Variants in RDX observed in about 807,000 individuals in gnomAD.
The protein encoded by RDX is radixin.
Under a neutral mutation model 83.7 loss-of-function variants are expected in RDX, and 32 were observed. The observed-to-expected ratio is 0.38, with a 90% CI of 0.29 to 0.51. RDX has a LOEUF of 0.51. Ranked by LOEUF, RDX falls within the 20% of genes least tolerant of loss-of-function variation. RDX has a pLI of 0.87. For missense variants in RDX, 600 were observed against 689.9 expected (o/e 0.87, Z 1.46); for synonymous variants, 229 against 222.7 (o/e 1.03, Z -0.25).
At chr11:110,218,493 C>A (rs1022237373) in intron 14 of RDX, among the ~76,000 whole-genome samples, 3 of 152,216 alleles carry the variant, frequency 2.0e-5, no homozygotes, top group Admixed American at 1.3e-4. Context: ...CCCACCAATT[C>A]TTTCCTTACA....
intron 14 of RDX, among the ~76,000 whole-genome samples, chr11:110,218,713 T>C (rs1477020040): frequency 6.6e-6 from 1 of 152,200 alleles, no homozygotes; most frequent in East Asian, 1.9e-4. Flanking sequence ...CTCGATATAT[T>C]TGCATATGCA....
chr11:110,258,161 CTT>C lies in RDX; in HGVS notation c.494_495del (p.Lys165ArgfsTer12). Reference sequence around the variant, plus strand: ...TTCTGTATTCTTTCTTCCCACTGTTCTTTTGTTAGTTTGTGTTGTTCCAATAC... The same window carrying C: ...TTCTGTATTCTTTCTTCCCACTGTTCTTGTTAGTTTGTGTTGTTCCAATAC... ...QRVLEQHKLT[K>X]EQWEERIQNW... On this transcript the variant is annotated frameshift_variant, in exon 6 of 14. Transcript: ENST00000645495. LOFTEE classifies it high-confidence loss of function. 1 of 1,607,042 alleles carries C rather than the reference CTT, an allele frequency of 6.2e-7. No individual in the cohort carries two copies. Among genetic ancestry groups the C allele is most frequent in the Non-Finnish European group, 8.5e-7 (1 of 1,176,194 alleles).
intron 1 of RDX, chr11:110,288,195 T>C (rs1426845141): frequency 6.6e-6 from 1 of 152,206 alleles, no homozygotes; most frequent in African/African-American, 2.4e-5. Flanking sequence ...GTAATATACA[T>C]GTTACTGAAA....
At position 110,196,938 on chromosome 11, in the gene RDX, AC is replaced by A. The variant is rs560812072; in HGVS notation, c.*31+2642del. On this transcript the variant is annotated intron_variant, in intron 15 of 15. Transcript: ENST00000528498. ...TTTTGAGACAGGGTCGCGCTCTGCC[AC>A]CCAGGCTGGAGTGCAGGGGTGTGAT... Among the ~76,000 whole-genome samples, 413 of 152,228 alleles carry A rather than the reference AC, an allele frequency of 2.7e-3. 3 individuals are homozygous for A. The highest frequency in any genetic ancestry group is 9.6e-3 in the African/African-American group (398 of 41,546).
chr11:110,256,176 T>A (rs931674572), intron 7 of RDX, among the ~76,000 whole-genome samples: 1 of 152,214 alleles, frequency 6.6e-6, no homozygotes, highest in Non-Finnish European at 1.5e-5. Context: ...AGAAATGATT[T>A]TGACACCTAT....
downstream of RDX, among the ~76,000 whole-genome samples, chr11:110,228,671 G>C (rs1417905911): frequency 6.6e-6 from 1 of 151,448 alleles, no homozygotes; most frequent in Non-Finnish European, 1.5e-5. Context: ...AATCAACACG[G>C]TGATCAATAC....
intron 1 of RDX, among the ~76,000 whole-genome samples, chr11:110,294,730 A>G (rs547413593): frequency 6.6e-6 from 1 of 152,114 alleles, no homozygotes; most frequent in Admixed American, 6.5e-5. Context: ...CAAAAAAAAA[A>G]ACAAAAGGAC....
chr11:110,189,464 A>G (rs868398594), intron 15 of RDX, among the ~76,000 whole-genome samples: 2 of 152,128 alleles, frequency 1.3e-5, no homozygotes, highest in South Asian at 2.1e-4. Context: ...AAGGCAGAAA[A>G]CTAAAAAATT....
intron 15 of RDX, among the ~76,000 whole-genome samples, chr11:110,191,933 A>T (rs983755072): frequency 1.3e-5 from 2 of 152,236 alleles, no homozygotes; most frequent in African/African-American, 4.8e-5. Flanking sequence ...GATAGGAAGA[A>T]TCAATATTAT....
intron 15 of RDX, among the ~76,000 whole-genome samples, chr11:110,178,163 C>T (rs1316629629): frequency 6.6e-6 from 1 of 152,176 alleles, no homozygotes; most frequent in Non-Finnish European, 1.5e-5. Flanking sequence ...CTCTGCTTCA[C>T]CAGCAAAGAC....
intron 3 of RDX, among the ~76,000 whole-genome samples, chr11:110,265,487 AAG>A (rs1463404816): frequency 7.6e-6 from 1 of 131,856 alleles, no homozygotes; most frequent in African/African-American, 2.7e-5. Flanking sequence ...CAACAATAAC[AAG>A]AGTCTTGAAA....
intron 14 of RDX, among the ~76,000 whole-genome samples, chr11:110,222,603 C>T (rs921074628): frequency 2.0e-5 from 3 of 152,042 alleles, no homozygotes; most frequent in African/African-American, 4.8e-5. Flanking sequence ...GAGACCATCC[C>T]GGCTAACACG....
chr11:110,219,291 AGAG>A (rs1285150966), intron 14 of RDX, among the ~76,000 whole-genome samples: 2 of 152,206 alleles, frequency 1.3e-5, no homozygotes, highest in Non-Finnish European at 2.9e-5. Context: ...CAATTTAACA[AGAG>A]AAGAGGAAAT....
intron 10 of RDX, among the ~76,000 whole-genome samples, chr11:110,244,363 CAAAAAAAAAAAAAAAA>C (rs71053874): frequency 1.2e-4 from 6 of 51,292 alleles, no homozygotes; most frequent in African/African-American, 4.5e-4. Flanking sequence ...GATTCTGGCT[CAAAAAAAAAAAAAAAA>C]AAAAAAAAAG....
chr11:110,181,224 G>A (rs1463953738), intron 15 of RDX, among the ~76,000 whole-genome samples: 1 of 150,882 alleles, frequency 6.6e-6, no homozygotes. Context: ...TACAAATGGA[G>A]CGAACTCGAC....
intron 1 of RDX, among the ~76,000 whole-genome samples, chr11:110,291,603 G>A (rs1861247269): frequency 6.6e-6 from 1 of 152,006 alleles, no homozygotes; most frequent in African/African-American, 2.4e-5. Context: ...GCTAACTGCA[G>A]GCTTGACCTC....
At chr11:110,229,435 T>C (rs1204890643), downstream of RDX, 7 of 152,444 alleles carry the variant, frequency 4.6e-5, no homozygotes, top group Non-Finnish European at 1.0e-4. Context: ...ATAACAACAG[T>C]GGACCTTGAA....
chr11:110,184,118 G>T (rs1862939579), intron 15 of RDX, among the ~76,000 whole-genome samples: 1 of 152,232 alleles, frequency 6.6e-6, no homozygotes. Flanking sequence ...GGGAGCACGT[G>T]AGAGCCCAAG....
chr11:110,270,446 G>A (rs933207344), intron 3 of RDX, among the ~76,000 whole-genome samples: 4 of 152,074 alleles, frequency 2.6e-5, no homozygotes, highest in Non-Finnish European at 5.9e-5. Context: ...TAAGTGGCCC[G>A]TCACTGATCG....
Sources: gnomAD v4.1 joint callset for allele counts (sites outside exome capture counted in the v4.1 genomes callset) on GRCh38, gnomAD v4.1.1 for gene constraint, MANE v1.5 for transcripts, NCBI Gene and HGNC (gene_info 2026-07-23, HGNC 2026-07-21) for gene names.